Variants in GDI2 observed in about 807,000 individuals in gnomAD.
The protein encoded by GDI2 is rab GDP dissociation inhibitor beta.
Under a neutral mutation model 54.2 loss-of-function variants are expected in GDI2, and 22 were observed. The ratio of observed to expected loss-of-function variants is 0.41; its 90% CI spans 0.29 to 0.58. The LOEUF is 0.58. Ranked by LOEUF, GDI2 falls within the 20% of genes least tolerant of loss-of-function variation. The probability of loss-of-function intolerance (pLI) is 0.35; values close to 1 mark genes in which losing one functional copy is unlikely to be tolerated. For synonymous variants in GDI2, 177 were observed against 182.1 expected (o/e 0.97, Z 0.23); for missense variants, 422 against 546.0 (o/e 0.77, Z 2.26).
At chr10:5,800,574 G>C (rs79615188) in intron 2 of GDI2, 24 bp downstream of exon 2, 2 of 992,026 alleles carry the variant, frequency 2.0e-6, no homozygotes, top group African/African-American at 3.2e-5. Flanking sequence ...TGTGAGAGGC[G>C]TATGAAATTT....
chr10:5,766,189 G>C lies in GDI2; in HGVS notation c.1192-37C>G, dbSNP rs1840326152. ...AATTACGAAGACTTAAGACCATGGA[G>C]GGATGTCTTCCAGTGAAACCTGCCC... On this transcript the variant is annotated intron_variant, in intron 10 of 10. Transcript: ENST00000380191. This position sits in a 1 kb window ranked among gnomAD's most constrained non-coding sequence, Gnocchi z 5.8. The C allele has an allele frequency of 6.2e-7, 1 of 1,610,518 alleles. No homozygotes were observed. Among genetic ancestry groups the C allele is most frequent in the African/African-American group, 1.3e-5 (1 of 74,862 alleles).
chr10:5,801,894 C>G (rs532597424), intron 1 of GDI2, among the ~76,000 whole-genome samples: 26 of 151,100 alleles, frequency 1.7e-4, no homozygotes, highest in Non-Finnish European at 2.7e-4. Flanking sequence ...GCCTGTAATT[C>G]CAGCAACTCA....
chr10:5,776,269 G>A lies in GDI2; in HGVS notation c.720-2328C>T. The A allele has an allele frequency of 1.9e-6, 1 of 512,908 alleles. No homozygotes were observed. Among genetic ancestry groups the A allele is most frequent in the Non-Finnish European group, 3.7e-6 (1 of 272,376 alleles). The allele number at this position is 512,908 out of a possible 1,614,324, so 31.8% of individuals were successfully genotyped here. A position where few individuals can be genotyped will look rare whatever the true frequency, so the allele number is the denominator to read the frequency against. ...TCCTCATCCAAGACAGGTGGAAAAG[G>A]GCCCAGCGTGAAAAGACTGAAAGCC... is the stretch of plus-strand genomic sequence containing the variant. On this transcript the variant is annotated intron_variant, in intron 6 of 10. Coordinates refer to ENST00000380191, the MANE Select transcript of GDI2 (RefSeq NM_001494.4). The surrounding 1 kb of genome is among the most constrained non-coding windows in gnomAD (Gnocchi z 5.3).
At chr10:5,801,316 T>C (rs1037849370) in intron 1 of GDI2, among the ~76,000 whole-genome samples, 1 of 152,162 alleles carries the variant, frequency 6.6e-6, no homozygotes, top group African/African-American at 2.4e-5. Context: ...ATAAAACAAA[T>C]TAAGACAGGG....
chr10:5,794,921 T>C lies in GDI2; in HGVS notation c.352A>G (p.Lys118Glu), dbSNP rs1841113494. ...SFVYKGGKIYKVPSTEAEALA... is the reference protein window; with the variant it reads ...SFVYKGGKIYEVPSTEAEALA... Reference sequence around the variant, plus strand: ...GCTTCTGCTTCAGTGGAAGGAACCTTGTAGATTTTTCCACCCTTATAGACA... The same window carrying C: ...GCTTCTGCTTCAGTGGAAGGAACCTCGTAGATTTTTCCACCCTTATAGACA... Residue 118 changes from lysine (K) to glutamate (E), a missense_variant, in exon 4 of 11, where the codon AAG becomes GAG. Physicochemically the swap from Lys to Glu is moderately conservative, Grantham distance 56. Transcript: ENST00000380191. The C allele has an allele frequency of 6.2e-7, 1 of 1,606,978 alleles. No homozygotes were observed. The highest frequency in any genetic ancestry group is 8.5e-7 in the Non-Finnish European group (1 of 1,173,606).
At chr10:5,772,521 C>G (rs1840512755) in intron 7 of GDI2, among the ~76,000 whole-genome samples, 1 of 152,096 alleles carries the variant, frequency 6.6e-6, no homozygotes, top group Non-Finnish European at 1.5e-5. Flanking sequence ...CTTTGGGAGG[C>G]TGAGGCGGGC....
chr10:5,800,314 A>T (rs890947645), intron 2 of GDI2, among the ~76,000 whole-genome samples: 4 of 152,202 alleles, frequency 2.6e-5, no homozygotes, highest in Non-Finnish European at 5.9e-5. Flanking sequence ...AAATAAATAA[A>T]GCCATGAGGA....
At chr10:5,772,725 C>G (rs1368424600) in intron 7 of GDI2, among the ~76,000 whole-genome samples, 1 of 152,158 alleles carries the variant, frequency 6.6e-6, no homozygotes, top group Non-Finnish European at 1.5e-5. Flanking sequence ...CCACTGCACT[C>G]CAGCCTCGGC....
At position 5,784,011 on chromosome 10, in the gene GDI2, CAATT is replaced by C. The variant is rs199606417; in HGVS notation, c.719+1127_719+1130del. ...CTAGCAAGGCCGGGGAAGTTTTCCT[CAATT>C]AATCCCTCAAATTTGTTTTCCAAAC... is the stretch of plus-strand genomic sequence containing the variant. On this transcript the variant is annotated intron_variant, in intron 6 of 10. Coordinates refer to ENST00000380191, the MANE Select transcript of GDI2 (RefSeq NM_001494.4). Among the ~76,000 whole-genome samples, 1,429 of 152,288 alleles carry C rather than the reference CAATT, an allele frequency of 9.4e-3. 28 individuals carry two copies. Among genetic ancestry groups the C allele is most frequent in the African/African-American group, 0.033 (1,357 of 41,552 alleles).
intron 7 of GDI2, among the ~76,000 whole-genome samples, chr10:5,773,562 T>A (rs1197521042): frequency 1.3e-5 from 2 of 152,152 alleles, no homozygotes; most frequent in Non-Finnish European, 2.9e-5. Flanking sequence ...CAATGAAAAT[T>A]TGGGAGACAG....
In GDI2 at chr10:5,770,488, G is replaced by A. The variant is rs141517953; in HGVS notation, c.820-2104C>T. On this transcript the variant is annotated intron_variant, in intron 7 of 10. Transcript: ENST00000380191. ...GAGGCAGGAGAATCACTTGAATACGGGAGGCAGAGATTGCAGTGAGCCAAG... is the reference window on the plus strand; with the variant it reads ...GAGGCAGGAGAATCACTTGAATACGAGAGGCAGAGATTGCAGTGAGCCAAG... Among the ~76,000 whole-genome samples, 689 of 152,200 alleles carry A rather than the reference G, an allele frequency of 4.5e-3. 7 individuals carry two copies. Among genetic ancestry groups the A allele is most frequent in the African/African-American group, 0.016 (655 of 41,506 alleles).
intron 4 of GDI2, among the ~76,000 whole-genome samples, chr10:5,792,918 CAAGAAAGAAAATGTAA>C (rs1841048821): frequency 9.8e-6 from 1 of 102,300 alleles, no homozygotes; most frequent in South Asian, 2.8e-4. Context: ...GTAAGAGCTC[CAAGAAAGAAAATGTAA>C]AAGAAAGAAC....
rs377581673 is a variant in GDI2, at chr10:5,787,136, T to C, written c.389-1086A>G. On this transcript the variant is annotated intron_variant, in intron 4 of 10. Transcript: ENST00000380191. Reference sequence around the variant, plus strand: ...AAAAACAAACTCTCAAATGTTTCTATTGACAGCTTAATGTTTTGATAGATT... The same window carrying C: ...AAAAACAAACTCTCAAATGTTTCTACTGACAGCTTAATGTTTTGATAGATT... Among the ~76,000 whole-genome samples the C allele has an allele frequency of 7.0e-4, 106 of 152,376 alleles. No individual in the cohort carries two copies. The South Asian group carries it at 0.02, about 29-fold the overall frequency.
At chr10:5,784,140 T>C (rs1328718849) in intron 6 of GDI2, among the ~76,000 whole-genome samples, 1 of 152,238 alleles carries the variant, frequency 6.6e-6, no homozygotes, top group Non-Finnish European at 1.5e-5. Flanking sequence ...AATTCTTTTT[T>C]GTCTTTGTCA....
At chr10:5,809,575 A>C (rs1841447017) in intron 1 of GDI2, among the ~76,000 whole-genome samples, 1 of 152,164 alleles carries the variant, frequency 6.6e-6, no homozygotes, top group Non-Finnish European at 1.5e-5. Context: ...AACTCATATA[A>C]GTGCACCTCT....
chr10:5,805,153 T>A (rs368516723), intron 1 of GDI2, among the ~76,000 whole-genome samples: 2 of 151,634 alleles, frequency 1.3e-5, no homozygotes. Context: ...CTTTTCAGAG[T>A]GTATGGCTAA....
In GDI2 at chr10:5,774,032, A is replaced by T; in HGVS notation, c.720-91T>A. On this transcript the variant is annotated intron_variant, in intron 6 of 10. Coordinates refer to ENST00000380191, the MANE Select transcript of GDI2 (RefSeq NM_001494.4). This position sits in a 1 kb window ranked among gnomAD's most constrained non-coding sequence, Gnocchi z 4.8. ...TAGATCTTAATGAGTTACAGACAAT[A>T]TACATTTGTTCAATTTCCTTCTAGA... 1 of 609,206 alleles carries T rather than the reference A, an allele frequency of 1.6e-6. No homozygotes were observed. The highest frequency in any genetic ancestry group is 2.9e-6 in the Non-Finnish European group (1 of 349,530). 37.7% of individuals were successfully genotyped at this position (609,206 alleles called of 1,614,324 possible).
intron 1 of GDI2, among the ~76,000 whole-genome samples, chr10:5,810,185 G>T (rs181191518): frequency 6.6e-6 from 1 of 152,192 alleles, no homozygotes; most frequent in African/African-American, 2.4e-5. Flanking sequence ...AAAGTATCTG[G>T]GATGTAAAGC....
intron 4 of GDI2, 96 bp downstream of exon 4, chr10:5,794,789 T>C (rs915208501): frequency 1.2e-6 from 1 of 809,614 alleles, no homozygotes; most frequent in Non-Finnish European, 2.1e-6. Flanking sequence ...CAATAAATAT[T>C]TGTTGACTGG....
Sources: gnomAD v4.1 joint callset for allele counts (sites outside exome capture counted in the v4.1 genomes callset) on GRCh38, gnomAD v4.1.1 for gene constraint, Gnocchi (gnomAD v3.1) non-coding constraint, MANE v1.5 for transcripts, NCBI Gene and HGNC (gene_info 2026-07-23, HGNC 2026-07-21) for gene names.